MYO18B: variants seen among roughly 807,000 people sequenced by gnomAD.
MYO18B encodes myosin XVIIIB, also known as unconventional myosin-XVIIIb.
MYO18B carries 204 observed loss-of-function variants against 273.0 expected under a neutral mutation model. The ratio of observed to expected loss-of-function variants is 0.75; its 90% CI spans 0.67 to 0.84. MYO18B has a LOEUF of 0.84. Among genes scored for constraint, MYO18B ranks in the 40% least tolerant of loss-of-function variants. The pLI is 0.00. For missense variants in MYO18B, 3,212 were observed against 3,287.6 expected, an observed-to-expected ratio of 0.98 and a Z score of 0.56; for synonymous variants, 1,330 against 1,305.7, an observed-to-expected ratio of 1.02 and a Z score of -0.40.
chr22:25,757,064 AAAAG>A (rs1476567437), intron 1 of MYO18B, among the ~76,000 whole-genome samples: 4 of 152,064 alleles, frequency 2.6e-5, no homozygotes. Flanking sequence ...GTCTCAAAAG[AAAAG>A]AAAATATATA....
the MYO18B span, among the ~76,000 whole-genome samples, chr22:26,047,246 C>T: frequency 2.4e-4 from 36 of 151,448 alleles, no homozygotes; most frequent in Non-Finnish European, 7.4e-5. Context: ...CCTGCCTTAG[C>T]TTGCTGAGTA....
At chr22:25,816,237 C>G (rs1356968254) in intron 12 of MYO18B, among the ~76,000 whole-genome samples, 1 of 152,160 alleles carries the variant, frequency 6.6e-6, no homozygotes, top group Non-Finnish European at 1.5e-5. Flanking sequence ...CTTTCTGACC[C>G]ATTTGTCATT....
At position 25,958,869 on chromosome 22, in the gene MYO18B, T is replaced by C. The variant is rs886866326; in HGVS notation, c.6156+3505T>C. 4.6e-5 allele frequency among the ~76,000 whole-genome samples: 7 copies of C among 152,220 alleles called. No individual in the cohort carries two copies. The South Asian group carries it at 1.4e-3, about 32-fold the overall frequency. On this transcript the variant is annotated intron_variant, in intron 39 of 43. Transcript: ENST00000335473. Reference sequence around the variant, plus strand: ...AGGGGCAGCTTCTTTGTGCCATATGTTCTCTCTAAACTACACTAAAATCCT... The same window carrying C: ...AGGGGCAGCTTCTTTGTGCCATATGCTCTCTCTAAACTACACTAAAATCCT...
chr22:25,999,363 A>G (rs1248455637), intron 40 of MYO18B, among the ~76,000 whole-genome samples: 2 of 152,142 alleles, frequency 1.3e-5, no homozygotes, highest in Non-Finnish European at 2.9e-5. Flanking sequence ...ATGAATTTAC[A>G]TGTTACTTCC....
At chr22:25,876,543 G>A (rs2091204742) in intron 24 of MYO18B, among the ~76,000 whole-genome samples, 4 of 152,158 alleles carry the variant, frequency 2.6e-5, no homozygotes, top group Admixed American at 2.6e-4. Flanking sequence ...TAGGCTGTGG[G>A]TGTTTAGAGA....
At chr22:25,862,846 T>TGC (rs1569124191) in intron 21 of MYO18B, among the ~76,000 whole-genome samples, 1 of 147,638 alleles carries the variant, frequency 6.8e-6, no homozygotes, top group African/African-American at 2.5e-5. Context: ...ACTTTTTTTT[T>TGC]GGGGGGGGGT....
chr22:25,842,473 G>A (rs1254126270), intron 17 of MYO18B, among the ~76,000 whole-genome samples: 1 of 152,032 alleles, frequency 6.6e-6, no homozygotes, highest in Non-Finnish European at 1.5e-5. Context: ...AGGAGTTCGA[G>A]ACCAGCCTGG....
chr22:25,982,682 C>T (rs958246604), intron 39 of MYO18B, among the ~76,000 whole-genome samples: 1 of 152,024 alleles, frequency 6.6e-6, no homozygotes, highest in Non-Finnish European at 1.5e-5. Context: ...CTTTCTCCCC[C>T]ACTGACCCCC....
chr22:25,992,515 G>T, intron 40 of MYO18B, 22 bp downstream of exon 40: 1 of 1,613,308 alleles, frequency 6.2e-7, no homozygotes, highest in Non-Finnish European at 8.5e-7. Context: ...GGGGCTCGGC[G>T]GGGCTGGGCG....
chr22:25,834,804 T>C (rs567094487), intron 16 of MYO18B, among the ~76,000 whole-genome samples: 15 of 152,340 alleles, frequency 9.8e-5, no homozygotes, highest in Middle Eastern at 3.4e-3. Context: ...TCTGAAATGT[T>C]CTTTGAGTGC....
intron 19 of MYO18B, 46 bp from the exon 20 acceptor site, chr22:25,847,384 T>C: frequency 6.6e-7 from 1 of 1,507,604 alleles, no homozygotes; most frequent in East Asian, 2.5e-5. Context: ...CCCCTTTCTG[T>C]GTCTCTGTGA....
At chr22:25,985,480 G>A (rs932560279) in intron 39 of MYO18B, among the ~76,000 whole-genome samples, 6 of 152,280 alleles carry the variant, frequency 3.9e-5, no homozygotes, top group Non-Finnish European at 7.4e-5. Flanking sequence ...CGTTATTCCT[G>A]CTGGAGACTG....
At chr22:26,041,253 G>A in the MYO18B span, among the ~76,000 whole-genome samples, 37 of 148,840 alleles carry the variant, frequency 2.5e-4, no homozygotes, top group Non-Finnish European at 4.4e-4. Context: ...GATTGGTCAC[G>A]CCTGTAATCC....
rs1381004158 is a variant in MYO18B, at chr22:25,876,171, T to C, written c.4081-18T>C. ...GGGTTGGAAAGGACCCTCCAGTCTG[T>C]GTTCTCCTTCCCTGCAGATTCGCCG... is the stretch of plus-strand genomic sequence containing the variant. On this transcript the variant is annotated intron_variant, in intron 23 of 43. Coordinates refer to ENST00000335473, the MANE Select transcript of MYO18B (RefSeq NM_032608.7). 1 of 1,607,122 alleles carries C rather than the reference T, an allele frequency of 6.2e-7. No individual in the cohort carries two copies. The highest frequency in any genetic ancestry group is 1.3e-5 in the African/African-American group (1 of 74,816).
Position 25,769,407 on chromosome 22 carries a change from C to T in MYO18B, c.1491C>T (p.Gly497=), listed in dbSNP as rs752054862. ...CCCCGCAGGAGGAGGGCAAAGGAGG[C>T]CAGAGCAGAGACTCAGACCAGGTGA... ...GPAPQEEGKG[G]QSRDSDQAPE... is the part of the protein sequence containing the mutation. The change falls in exon 4 of 44, where the codon GGC becomes GGT. Residue 497 remains glycine (G), a synonymous_variant. Transcript: ENST00000335473. 3 of 1,556,664 alleles carry T rather than the reference C, an allele frequency of 1.9e-6. No homozygotes were observed. Among genetic ancestry groups the T allele is most frequent in the South Asian group, 2.4e-5 (2 of 83,178 alleles).
chr22:25,882,728 G>A (rs994484963), intron 25 of MYO18B, among the ~76,000 whole-genome samples: 1 of 151,932 alleles, frequency 6.6e-6, no homozygotes. Context: ...GGTTTATGTC[G>A]GTCACTTTTA....
intron 42 of MYO18B, among the ~76,000 whole-genome samples, chr22:26,013,869 T>C (rs1267655164): frequency 6.6e-6 from 1 of 152,212 alleles, no homozygotes; most frequent in Non-Finnish European, 1.5e-5. Context: ...ATCCATCTCT[T>C]TTGTATTGAT....
chr22:25,789,327 TAA>T (rs34023304), intron 11 of MYO18B, among the ~76,000 whole-genome samples: 16 of 151,182 alleles, frequency 1.1e-4, no homozygotes, highest in Admixed American at 8.6e-4. Context: ...AGCATCTGTT[TAA>T]AAAAAAAACA....
intron 40 of MYO18B, 70 bp from the exon 41 acceptor site, chr22:26,003,195 C>T (rs890565071): frequency 1.3e-5 from 18 of 1,385,566 alleles, no homozygotes; most frequent in East Asian, 7.3e-5. Context: ...GTCTGTCTAA[C>T]GTCAATAACC....
Sources: gnomAD v4.1 joint callset for allele counts (sites outside exome capture counted in the v4.1 genomes callset) on GRCh38, gnomAD v4.1.1 for gene constraint, MANE v1.5 for transcripts, NCBI Gene and HGNC (gene_info 2026-07-23, HGNC 2026-07-21) for gene names.